Variants in CHRM3 observed in about 807,000 individuals in gnomAD.
CHRM3 encodes cholinergic receptor muscarinic 3, also known as muscarinic acetylcholine receptor M3.
CHRM3 carries 11 observed loss-of-function variants against 41.8 expected under a neutral mutation model. That is an observed-to-expected ratio of 0.26 (90% CI 0.17 to 0.44). The LOEUF (loss-of-function observed/expected upper bound fraction) is 0.44, where lower values mean the gene tolerates loss of function less well. Among genes scored for constraint, CHRM3 ranks in the 20% least tolerant of loss-of-function variants. The probability of loss-of-function intolerance (pLI) is 1.00; values close to 1 mark genes in which losing one functional copy is unlikely to be tolerated. For synonymous variants in CHRM3, 297 were observed against 301.4 expected, an observed-to-expected ratio of 0.99 and a Z score of 0.15; for missense variants, 571 against 745.4, an observed-to-expected ratio of 0.77 and a Z score of 2.72.
At chr1:239,705,712 T>C (rs181561746) in intron 5 of CHRM3, 15 of 152,216 alleles carry the variant, frequency 9.9e-5, no homozygotes, top group African/African-American at 3.6e-4. Context: ...AAGGAAAAAT[T>C]AACCTGTATG....
intron 6 of CHRM3, chr1:239,886,740 G>A (rs1572595914): frequency 1.3e-5 from 2 of 152,230 alleles, no homozygotes; most frequent in East Asian, 3.9e-4. Context: ...AGGAACTGTG[G>A]TAGACACCTG....
intron 5 of CHRM3, among the ~76,000 whole-genome samples, chr1:239,715,222 G>GTTGC (rs1473025181): frequency 6.6e-6 from 1 of 151,958 alleles, no homozygotes; most frequent in Non-Finnish European, 1.5e-5. Flanking sequence ...ATTTAAATTG[G>GTTGC]TTAAGAGCAA....
At chr1:239,644,557 G>A (rs1671568273) in intron 4 of CHRM3, among the ~76,000 whole-genome samples, 2 of 152,272 alleles carry the variant, frequency 1.3e-5, no homozygotes, top group South Asian at 4.1e-4. Context: ...TGAGCTTTAG[G>A]GCAGAGAATT....
intron 1 of CHRM3, among the ~76,000 whole-genome samples, chr1:239,390,259 C>T (rs1658911819): frequency 6.6e-6 from 1 of 152,066 alleles, no homozygotes; most frequent in Admixed American, 6.5e-5. Context: ...TAGTGTTTTC[C>T]TAGATGCAAT....
chr1:239,552,171 A>G (rs1308475281), intron 3 of CHRM3, among the ~76,000 whole-genome samples: 2 of 148,672 alleles, frequency 1.3e-5, no homozygotes, highest in African/African-American at 4.9e-5. Flanking sequence ...ATTATGATAT[A>G]TGTCATCTAT....
chr1:239,513,670 G>A (rs1404153452), intron 2 of CHRM3, among the ~76,000 whole-genome samples: 5 of 152,016 alleles, frequency 3.3e-5, no homozygotes, highest in South Asian at 4.1e-4. Context: ...TATGGATCAC[G>A]TCTTTGGTGT....
intron 6 of CHRM3, among the ~76,000 whole-genome samples, chr1:239,842,441 G>A (rs1572461150): frequency 6.6e-6 from 1 of 152,144 alleles, no homozygotes; most frequent in East Asian, 1.9e-4. Flanking sequence ...CACCATGATG[G>A]CCAGGTTAGT....
At chr1:239,893,092 C>T (rs1678682592) in intron 6 of CHRM3, among the ~76,000 whole-genome samples, 2 of 152,144 alleles carry the variant, frequency 1.3e-5, no homozygotes. Context: ...TTCATTTTCT[C>T]ATCTGGTGAC....
intron 5 of CHRM3, among the ~76,000 whole-genome samples, chr1:239,681,892 C>CA (rs537596290): frequency 8.0e-5 from 12 of 149,894 alleles, no homozygotes; most frequent in Middle Eastern, 3.4e-3. Flanking sequence ...TAACTGGTCT[C>CA]AAAAAAAAAG....
At chr1:239,517,598 T>C (rs1294600399) in intron 2 of CHRM3, among the ~76,000 whole-genome samples, 3 of 152,228 alleles carry the variant, frequency 2.0e-5, no homozygotes, top group African/African-American at 4.8e-5. Context: ...CAGTCATTAT[T>C]GATGGTAGCC....
chr1:239,678,245 A>G lies in CHRM3; in HGVS notation c.-190A>G, dbSNP rs1240735547. The G allele has an allele frequency of 6.6e-6, 1 of 152,186 alleles. No homozygotes were observed. Among genetic ancestry groups the G allele is most frequent in the Non-Finnish European group, 1.5e-5 (1 of 68,038 alleles). 9.4% of individuals were successfully genotyped at this position (152,186 alleles called of 1,614,324 possible). A position where few individuals can be genotyped will look rare whatever the true frequency, so the allele number is the denominator to read the frequency against. ...GAAGGAAAGTTCAACATACAGCACAATTCTGGACACATTGTATTGGTTTGA... is the reference window on the plus strand; with the variant it reads ...GAAGGAAAGTTCAACATACAGCACAGTTCTGGACACATTGTATTGGTTTGA... On this transcript the variant is annotated 5_prime_UTR_variant, in exon 5 of 7. Transcript: ENST00000676153.
chr1:239,424,054 C>CAAAAAAAAAAAAAAAAAA, intron 1 of CHRM3, among the ~76,000 whole-genome samples: 1 of 78,916 alleles, frequency 1.3e-5, no homozygotes, highest in Non-Finnish European at 2.6e-5. Flanking sequence ...GACTCTGTCT[C>CAAAAAAAAAAAAAAAAAA]AAAAAAAAAA....
chr1:239,613,071 C>T (rs369312648), intron 3 of CHRM3, among the ~76,000 whole-genome samples: 1 of 152,176 alleles, frequency 6.6e-6, no homozygotes, highest in Non-Finnish European at 1.5e-5. Context: ...GAGACTGCTG[C>T]CGAAAACTAT....
rs367766853 is a variant in CHRM3, at chr1:239,859,819, T to TTTTATATATATATA, written c.-20+32442_-20+32443insTTATATATATATAT. ...AAATTATATATAAGTTCTAAGTGTT[T>TTTTATATATATATA]TATATATATATATATATATATATAT... On this transcript the variant is annotated intron_variant, in intron 6 of 6. Coordinates refer to ENST00000676153, the MANE Select transcript of CHRM3 (RefSeq NM_001375978.1). Among the ~76,000 whole-genome samples the TTTTATATATATATA allele has an allele frequency of 9.9e-5, 13 of 131,412 alleles. No homozygotes were observed. The East Asian group carries it at 1.7e-3, about 17-fold the overall frequency. The allele number at this position is 131,412 out of a possible 152,430, so 86.2% of individuals were successfully genotyped here. A position where few individuals can be genotyped will look rare whatever the true frequency, so the allele number is the denominator to read the frequency against.
intron 3 of CHRM3, among the ~76,000 whole-genome samples, chr1:239,579,672 A>C (rs2148581168): frequency 6.6e-6 from 1 of 152,204 alleles, no homozygotes; most frequent in South Asian, 2.1e-4. Flanking sequence ...TGCCTTCAAT[A>C]ATTGTTGTGC....
chr1:239,853,401 CT>C (rs1374434544), intron 6 of CHRM3, among the ~76,000 whole-genome samples: 6 of 151,452 alleles, frequency 4.0e-5, no homozygotes, highest in Admixed American at 3.9e-4. Context: ...TTTTTCTTTT[CT>C]TTTTTTCAAT....
chr1:239,783,335 A>G (rs1668645809), intron 5 of CHRM3, among the ~76,000 whole-genome samples: 1 of 152,092 alleles, frequency 6.6e-6, no homozygotes, highest in African/African-American at 2.4e-5. Flanking sequence ...AAACATATTC[A>G]ATAGTCTTAA....
intron 5 of CHRM3, among the ~76,000 whole-genome samples, chr1:239,769,699 T>C (rs1356542537): frequency 1.5e-5 from 1 of 68,702 alleles, no homozygotes; most frequent in Admixed American, 1.4e-4. Flanking sequence ...CTGACCAACA[T>C]AGCGAAACCC....
At chr1:239,754,274 C>T (rs1001594766) in intron 5 of CHRM3, among the ~76,000 whole-genome samples, 7 of 152,140 alleles carry the variant, frequency 4.6e-5, no homozygotes, top group African/African-American at 1.7e-4. Flanking sequence ...TAATCTGGAA[C>T]CTAAACATCA....
Sources: gnomAD v4.1 joint callset for allele counts (sites outside exome capture counted in the v4.1 genomes callset) on GRCh38, gnomAD v4.1.1 for gene constraint, MANE v1.5 for transcripts, NCBI Gene and HGNC (gene_info 2026-07-23, HGNC 2026-07-21) for gene names.